MBOAT2: variants seen among roughly 807,000 people sequenced by gnomAD.
The protein encoded by MBOAT2 is membrane-bound glycerophospholipid O-acyltransferase 2.
Under a neutral mutation model 63.4 loss-of-function variants are expected in MBOAT2, and 28 were observed. That is an observed-to-expected ratio of 0.44 (90% confidence interval 0.33 to 0.61). The LOEUF (loss-of-function observed/expected upper bound fraction) is 0.61, where lower values mean the gene tolerates loss of function less well. Among genes scored for constraint, MBOAT2 ranks in the 20% least tolerant of loss-of-function variants. The pLI is 0.03. For missense variants in MBOAT2, 470 were observed against 605.8 expected (o/e 0.78, Z 2.35); for synonymous variants, 211 against 215.6 (o/e 0.98, Z 0.19).
At chr2:8,872,990 A>T in intron 8 of MBOAT2, 118 bp downstream of exon 8, 1 of 817,172 alleles carries the variant, frequency 1.2e-6, no homozygotes, top group Non-Finnish European at 1.8e-6. Flanking sequence ...TACACAGATG[A>T]CTTAATTTTT....
In MBOAT2 at chr2:8,853,992, A is replaced by C. The variant is rs1261976583; in HGVS notation, c.*4687T>G. 1 of 152,232 alleles carries C rather than the reference A, an allele frequency of 6.6e-6. No homozygotes were observed. The highest frequency in any genetic ancestry group is 2.4e-5 in the African/African-American group (1 of 41,468). 9.4% of individuals were successfully genotyped at this position (152,232 alleles called of 1,614,324 possible). A position where few individuals can be genotyped will look rare whatever the true frequency, so the allele number is the denominator to read the frequency against. On this transcript the variant is annotated 3_prime_UTR_variant, in exon 13 of 13. Coordinates refer to ENST00000305997, the MANE Select transcript of MBOAT2 (RefSeq NM_138799.4). ...ACATTATTCAGCAGCCTACCAATTA[A>C]AATGTAATTGGCTGCAACCTCTGTA...
intron 2 of MBOAT2, among the ~76,000 whole-genome samples, chr2:8,956,167 A>G (rs917172174): frequency 1.3e-5 from 2 of 152,212 alleles, no homozygotes; most frequent in Non-Finnish European, 2.9e-5. Flanking sequence ...TTTACAGAGT[A>G]CTAACATGTT....
intron 7 of MBOAT2, among the ~76,000 whole-genome samples, chr2:8,876,110 T>C (rs1265416032): frequency 1.7e-4 from 26 of 152,252 alleles, no homozygotes; most frequent in Admixed American, 1.2e-3. Flanking sequence ...GGAAACTTTA[T>C]AGATTTTACC....
chr2:8,912,345 AAGAAAGAG>A (rs774604403), intron 3 of MBOAT2, among the ~76,000 whole-genome samples: 1 of 87,706 alleles, frequency 1.1e-5, no homozygotes, highest in African/African-American at 4.3e-5. Flanking sequence ...GAAAGAAAGA[AAGAAAGAG>A]AAAGAAAGAA....
intron 1 of MBOAT2, among the ~76,000 whole-genome samples, chr2:8,974,147 C>T (rs1239238524): frequency 1.3e-5 from 2 of 152,124 alleles, no homozygotes; most frequent in Non-Finnish European, 2.9e-5. Context: ...AGATGTTGTT[C>T]AGTAACCAGA....
chr2:8,959,689 C>T (rs988962798), intron 1 of MBOAT2, among the ~76,000 whole-genome samples: 1 of 152,106 alleles, frequency 6.6e-6, no homozygotes, highest in Non-Finnish European at 1.5e-5. Flanking sequence ...TCTTGAACTC[C>T]TGGGCTCAAA....
chr2:8,965,850 T>C (rs1669942515), intron 1 of MBOAT2, among the ~76,000 whole-genome samples: 1 of 152,122 alleles, frequency 6.6e-6, no homozygotes, highest in African/African-American at 2.4e-5. Flanking sequence ...AATTAAGCAT[T>C]CTACACTAAG....
At chr2:8,882,335 G>A (rs1663199173) in intron 6 of MBOAT2, among the ~76,000 whole-genome samples, 176 bp downstream of exon 6, 1 of 152,202 alleles carries the variant, frequency 6.6e-6, no homozygotes, top group Non-Finnish European at 1.5e-5. Flanking sequence ...GCCCTAGAAG[G>A]GATGCCCAGG....
chr2:8,936,458 T>C (rs1239145034), intron 3 of MBOAT2, among the ~76,000 whole-genome samples: 2 of 152,162 alleles, frequency 1.3e-5, no homozygotes, highest in Non-Finnish European at 2.9e-5. Context: ...TATGCAATAA[T>C]TTATTGCATT....
Position 8,855,145 on chromosome 2 carries a change from T to C in MBOAT2, c.*3534A>G, listed in dbSNP as rs1283670930. 2 of 152,226 alleles carry C rather than the reference T, an allele frequency of 1.3e-5. No individual in the cohort carries two copies. The highest frequency in any genetic ancestry group is 2.9e-5 in the Non-Finnish European group (2 of 68,030). 9.4% of individuals were successfully genotyped at this position (152,226 alleles called of 1,614,324 possible). On this transcript the variant is annotated 3_prime_UTR_variant, in exon 13 of 13. Transcript: ENST00000305997. ...GTTATCATGACAACCTTTTGAAATG[T>C]CAGGGCTTTGAGCTCAAGTAGTAAG...
rs1001222633 is a variant in MBOAT2 at position 8,868,534 on chromosome 2, T to C, written c.899A>G (p.Asn300Ser). 6.2e-7 allele frequency: 1 copy of C among 1,613,692 alleles called. No individual in the cohort carries two copies. Among genetic ancestry groups the C allele is most frequent in the Non-Finnish European group, 8.5e-7 (1 of 1,179,784 alleles). Residue 300 changes from asparagine to serine, a missense_variant, in exon 9 of 13, where the codon AAT (asparagine) becomes AGT (serine). Asn to Ser is a conservative substitution (Grantham distance 46). Transcript: ENST00000305997. ...FAWTLADAIN[N>S]AAGFGFRGYD... ...CCCTCTGAAACCAAAGCCTGCAGCATTATTAATGGCATCAGCTATAGAAAA... is the reference window on the plus strand; with the variant it reads ...CCCTCTGAAACCAAAGCCTGCAGCACTATTAATGGCATCAGCTATAGAAAA...
At chr2:8,884,240 T>G (rs1663374491) in intron 5 of MBOAT2, among the ~76,000 whole-genome samples, 2 of 149,028 alleles carry the variant, frequency 1.3e-5, no homozygotes, top group Non-Finnish European at 3.0e-5. Context: ...TGAGAAATGT[T>G]GGGGGAGGGA....
Position 8,969,878 on chromosome 2 carries a change from T to G in MBOAT2, c.76-11236A>C, listed in dbSNP as rs1198830270. 3.3e-5 allele frequency among the ~76,000 whole-genome samples: 5 copies of G among 152,272 alleles called. No homozygotes were observed. In the East Asian group the frequency reaches 9.6e-4, roughly 29 times the overall value. On this transcript the variant is annotated intron_variant, in intron 1 of 12. Transcript: ENST00000305997. ...CACCCAGATTCATAAAGCAAGTCCT[T>G]AGAGACCTACAAACAGACTTAGACT... is the stretch of plus-strand genomic sequence containing the variant.
At chr2:8,933,015 GCTT>G (rs772997753) in intron 3 of MBOAT2, among the ~76,000 whole-genome samples, 12 of 152,132 alleles carry the variant, frequency 7.9e-5, no homozygotes, top group Non-Finnish European at 1.5e-4. Flanking sequence ...TTTCACTCAT[GCTT>G]CTTTTCTCAC....
intron 4 of MBOAT2, among the ~76,000 whole-genome samples, chr2:8,892,207 A>G (rs1664055060): frequency 6.6e-6 from 1 of 152,224 alleles, no homozygotes; most frequent in Non-Finnish European, 1.5e-5. Flanking sequence ...AAGTCTGTAT[A>G]TTAATGCTAC....
chr2:8,898,344 G>C (rs1664643485), intron 4 of MBOAT2, among the ~76,000 whole-genome samples: 1 of 152,100 alleles, frequency 6.6e-6, no homozygotes, highest in Non-Finnish European at 1.5e-5. Context: ...TCCATAGTTG[G>C]CAAAAGCCAG....
rs913900302 is a variant in MBOAT2, at chr2:8,987,582, C to G, written c.75+15958G>C. 1.3e-5 allele frequency among the ~76,000 whole-genome samples: 2 copies of G among 152,310 alleles called. 1 individual carries two copies. Among genetic ancestry groups the G allele is most frequent in the South Asian group, 4.1e-4 (2 of 4,828 alleles). ...TGGAATCTGGAATTTGGGCAAGGTT[C>G]AGCATGGACACCTCATTGTTTCTCT... On this transcript the variant is annotated intron_variant, in intron 1 of 12. Coordinates refer to ENST00000305997, the MANE Select transcript of MBOAT2 (RefSeq NM_138799.4).
intron 3 of MBOAT2, among the ~76,000 whole-genome samples, chr2:8,912,341 AAGAAAGAAAG>A (rs200158624): frequency 8.9e-4 from 86 of 96,760 alleles, no homozygotes; most frequent in Admixed American, 2.4e-3. Flanking sequence ...GAAAGAAAGA[AAGAAAGAAAG>A]AGAAAGAAAG....
chr2:8,932,875 G>C (rs1469536159), intron 3 of MBOAT2, among the ~76,000 whole-genome samples: 2 of 152,056 alleles, frequency 1.3e-5, no homozygotes, highest in African/African-American at 2.4e-5. Context: ...AGTGACTACA[G>C]AACGTGCACA....
Sources: gnomAD v4.1 joint callset for allele counts (sites outside exome capture counted in the v4.1 genomes callset) on GRCh38, gnomAD v4.1.1 for gene constraint, MANE v1.5 for transcripts, NCBI Gene and HGNC (gene_info 2026-07-23, HGNC 2026-07-21) for gene names.